The following PGBD5 variants were observed in gnomAD, a reference collection of about 807,000 sequenced individuals.
The protein encoded by PGBD5 is piggyBac transposable element derived 5.
In PGBD5, 14 loss-of-function variants were observed where a neutral mutation model predicts 47.9. That is an observed-to-expected ratio of 0.29 (90% confidence interval 0.19 to 0.46). The LOEUF (loss-of-function observed/expected upper bound fraction) is 0.46, where lower values mean the gene tolerates loss of function less well. Ranked by LOEUF, PGBD5 falls within the 20% of genes least tolerant of loss-of-function variation. The probability of loss-of-function intolerance (pLI) is 1.00; values close to 1 mark genes in which losing one functional copy is unlikely to be tolerated. For missense variants in PGBD5, 635 were observed against 716.0 expected (o/e 0.89, Z 1.29); for synonymous variants, 316 against 306.3 (o/e 1.03, Z -0.33).
At chr1:230,423,528 G>A (rs899783676) in intron 1 of PGBD5, among the ~76,000 whole-genome samples, 2 of 152,116 alleles carry the variant, frequency 1.3e-5, no homozygotes, top group East Asian at 3.8e-4. Flanking sequence ...ACTGGTAGGC[G>A]CAAGGATTTT....
In PGBD5 at chr1:230,337,139, G is replaced by A; in HGVS notation, c.1044C>T (p.Ser348=). The stretch of plus-strand genomic sequence containing the variant: ...TCTCAAACTCTTCAAACAGCGTCAG[G>A]CTGGTGATGCTGGGCCCCGTGAAAA... ...YIIFTGPSIT[S]LTLFEEFEKQ... Residue 348 remains serine (S), a synonymous_variant, in exon 4 of 7, where the codon AGC becomes AGT. Coordinates refer to ENST00000391860, the MANE Select transcript of PGBD5 (RefSeq NM_001258311.2). 10 of 1,614,198 alleles carry A rather than the reference G, an allele frequency of 6.2e-6. No homozygotes were observed. Among genetic ancestry groups the A allele is most frequent in the African/African-American group, 1.3e-5 (1 of 75,054 alleles).
chr1:230,385,877 G>A (rs976060400), intron 1 of PGBD5, among the ~76,000 whole-genome samples: 16 of 151,962 alleles, frequency 1.1e-4, no homozygotes, highest in African/African-American at 3.6e-4. Flanking sequence ...AGCATCACCC[G>A]GGAGCTTGCT....
intron 1 of PGBD5, among the ~76,000 whole-genome samples, chr1:230,408,716 G>A (rs1187182237): frequency 2.6e-5 from 4 of 152,002 alleles, no homozygotes; most frequent in Middle Eastern, 3.2e-3. Flanking sequence ...ACTCAAAATA[G>A]ACCAAAGATG....
At chr1:230,358,770 C>T (rs1319437502) in intron 1 of PGBD5, among the ~76,000 whole-genome samples, 1 of 152,190 alleles carries the variant, frequency 6.6e-6, no homozygotes, top group Admixed American at 6.5e-5. Flanking sequence ...ACATGCTGCA[C>T]AGGTTTGTAG....
chr1:230,345,806 C>T (rs766602519), intron 3 of PGBD5, among the ~76,000 whole-genome samples: 34 of 152,158 alleles, frequency 2.2e-4, no homozygotes, highest in Non-Finnish European at 4.9e-4. Flanking sequence ...GTTAATTTTG[C>T]CCAGCTGCAG....
intron 3 of PGBD5, among the ~76,000 whole-genome samples, chr1:230,347,384 G>A (rs948706465): frequency 1.1e-4 from 17 of 152,044 alleles, no homozygotes; most frequent in African/African-American, 3.6e-4. Flanking sequence ...CAGGCTGGGC[G>A]CCCAGGGACA....
Position 230,356,930 on chromosome 1 carries a change from G to C in PGBD5, c.723C>G (p.Asn241Lys). Residue 241 changes from asparagine to lysine, a missense_variant, in exon 2 of 7, where the codon AAC becomes AAG. Asn to Lys is a moderately conservative substitution (Grantham distance 94, BLOSUM62 0). Coordinates refer to ENST00000391860, the MANE Select transcript of PGBD5 (RefSeq NM_001258311.2). The part of the protein sequence containing the change: ...KVQPFLDSLQ[N>K]SFDSAFRPSQ... The stretch of plus-strand genomic sequence containing the variant: ...AAGGCCTGAAGGCAGAGTCGAAGCT[G>C]TTCTGCAGGGAGTCGAGGAAGGGCT... 1 of 1,614,174 alleles carries C rather than the reference G, an allele frequency of 6.2e-7. No homozygotes were observed. Among genetic ancestry groups the C allele is most frequent in the Non-Finnish European group, 8.5e-7 (1 of 1,180,028 alleles).
At position 230,316,401 on chromosome 1, in the gene PGBD5, G is replaced by A. The variant is rs146362621; in HGVS notation, c.*7024C>T. On this transcript the variant is annotated 3_prime_UTR_variant, in exon 7 of 7. Transcript: ENST00000391860. ...AGATCTTCAATTTACACTGAACACC[G>A]TACGCAATTGTTCTGGGCCCATCTT... 6 of 152,234 alleles carry A rather than the reference G, an allele frequency of 3.9e-5. No individual in the cohort carries two copies. The East Asian group carries it at 7.7e-4, about 20-fold the overall frequency. The allele number at this position is 152,234 out of a possible 1,614,324, so 9.4% of individuals were successfully genotyped here.
chr1:230,423,299 C>T (rs574021626), intron 1 of PGBD5, among the ~76,000 whole-genome samples: 1 of 152,234 alleles, frequency 6.6e-6, no homozygotes, highest in South Asian at 2.1e-4. Context: ...TACTTTCCTC[C>T]CTACCCCACT....
chr1:230,402,628 A>C (rs756249584), intron 1 of PGBD5, among the ~76,000 whole-genome samples: 3 of 151,862 alleles, frequency 2.0e-5, no homozygotes, highest in Non-Finnish European at 4.4e-5. Flanking sequence ...TAATTTTTAA[A>C]ATTTTTTGTA....
chr1:230,412,289 C>G (rs1013263369), intron 1 of PGBD5, among the ~76,000 whole-genome samples: 2 of 151,962 alleles, frequency 1.3e-5, no homozygotes, highest in Non-Finnish European at 2.9e-5. Context: ...CCCCAAAACT[C>G]AACTACTAAT....
At chr1:230,405,781 C>T (rs1657285171) in intron 1 of PGBD5, among the ~76,000 whole-genome samples, 1 of 152,208 alleles carries the variant, frequency 6.6e-6, no homozygotes, top group Non-Finnish European at 1.5e-5. Flanking sequence ...TGGGCCTTCT[C>T]AGGGGTGAAT....
intron 1 of PGBD5, among the ~76,000 whole-genome samples, chr1:230,404,765 T>C (rs1369651057): frequency 6.6e-6 from 1 of 151,212 alleles, no homozygotes; most frequent in East Asian, 1.9e-4. Flanking sequence ...AAATCCCGCC[T>C]CTACCAAAAA....
rs1168987205 is a variant in PGBD5, at chr1:230,315,877, T to C, written c.*7548A>G. On this transcript the variant is annotated 3_prime_UTR_variant, in exon 7 of 7. Coordinates refer to ENST00000391860, the MANE Select transcript of PGBD5 (RefSeq NM_001258311.2). ...ATACATGTGTATATATATACATATA[T>C]GGATACATACATATTTATGTGTACA... 2.0e-5 allele frequency: 3 copies of C among 149,334 alleles called. No homozygotes were observed. Among genetic ancestry groups the C allele is most frequent in the Non-Finnish European group, 4.5e-5 (3 of 66,780 alleles). The allele number at this position is 149,334 out of a possible 1,614,324, so 9.3% of individuals were successfully genotyped here.
chr1:230,360,176 C>T (rs1032620393), intron 1 of PGBD5, among the ~76,000 whole-genome samples: 1 of 152,172 alleles, frequency 6.6e-6, no homozygotes, highest in Non-Finnish European at 1.5e-5. Context: ...TAATTTTGCC[C>T]CCCAGGCCAT....
intron 1 of PGBD5, among the ~76,000 whole-genome samples, chr1:230,384,217 C>A (rs574554098): frequency 1.8e-4 from 27 of 152,260 alleles, no homozygotes; most frequent in African/African-American, 5.8e-4. Flanking sequence ...TTAACAAAAA[C>A]AACAAACAGG....
At chr1:230,385,188 ACTTTGT>A (rs1184800047) in intron 1 of PGBD5, among the ~76,000 whole-genome samples, 1 of 135,312 alleles carries the variant, frequency 7.4e-6, no homozygotes, top group Non-Finnish European at 1.6e-5. Context: ...CCCATAACTC[ACTTTGT>A]CCTCTTGTTT....
At chr1:230,386,027 A>G (rs1204368960) in intron 1 of PGBD5, among the ~76,000 whole-genome samples, 3 of 152,148 alleles carry the variant, frequency 2.0e-5, no homozygotes, top group Admixed American at 6.5e-5. Flanking sequence ...CTCATATTCC[A>G]TGTTATAAAT....
At chr1:230,371,246 T>C (rs971160329) in intron 1 of PGBD5, among the ~76,000 whole-genome samples, 2 of 152,222 alleles carry the variant, frequency 1.3e-5, no homozygotes, top group African/African-American at 2.4e-5. Context: ...CTTGCAATTA[T>C]GCAGTTTCAG....
Sources: gnomAD v4.1 joint callset for allele counts (sites outside exome capture counted in the v4.1 genomes callset) on GRCh38, gnomAD v4.1.1 for gene constraint, MANE v1.5 for transcripts, NCBI Gene and HGNC (gene_info 2026-07-23, HGNC 2026-07-21) for gene names.